The following GNAT3 variants were observed in gnomAD, a reference collection of about 807,000 sequenced individuals.
GNAT3 encodes guanine nucleotide-binding protein G(t) subunit alpha-3.
Under a neutral mutation model 37.7 loss-of-function variants are expected in GNAT3, and 31 were observed. The observed-to-expected ratio is 0.82, with a 90% confidence interval of 0.62 to 1.11. The LOEUF (loss-of-function observed/expected upper bound fraction) is 1.11. GNAT3 is among the 50% of genes most tolerant of loss of function. The probability of loss-of-function intolerance (pLI) is 0.00; values close to 1 mark genes in which losing one functional copy is unlikely to be tolerated. For missense variants in GNAT3, 437 were observed against 412.5 expected (o/e 1.06, Z -0.51); for synonymous variants, 138 against 139.8 (o/e 0.99, Z 0.09).
At chr7:80,508,805 T>A (rs574558125) in intron 1 of GNAT3, among the ~76,000 whole-genome samples, 3 of 152,208 alleles carry the variant, frequency 2.0e-5, no homozygotes, top group African/African-American at 7.2e-5. Context: ...ACCAAATGGT[T>A]ACATCCGCTT....
At chr7:80,459,208 T>C (rs914510830) in intron 7 of GNAT3, among the ~76,000 whole-genome samples, 1 of 151,922 alleles carries the variant, frequency 6.6e-6, no homozygotes, top group Non-Finnish European at 1.5e-5. Flanking sequence ...AGAAAAAGAA[T>C]GGAAAAGGTA....
chr7:80,491,520 A>G (rs1790590924), intron 2 of GNAT3, among the ~76,000 whole-genome samples: 1 of 152,168 alleles, frequency 6.6e-6, no homozygotes. Flanking sequence ...ATCTCCTGGT[A>G]CAGTAGAGAC....
intron 1 of GNAT3, among the ~76,000 whole-genome samples, chr7:80,498,123 CTT>C (rs1562733323): frequency 6.6e-6 from 1 of 152,030 alleles, no homozygotes; most frequent in Non-Finnish European, 1.5e-5. Context: ...AAAAAAGTGA[CTT>C]TTAGACTGTG....
At chr7:80,484,491 G>A (rs959789685) in intron 3 of GNAT3, among the ~76,000 whole-genome samples, 1 of 151,994 alleles carries the variant, frequency 6.6e-6, no homozygotes, top group Non-Finnish European at 1.5e-5. Context: ...AGTTTACTTT[G>A]TAGGGTTCTA....
chr7:80,500,385 G>A (rs1790811559), intron 1 of GNAT3, among the ~76,000 whole-genome samples: 1 of 151,778 alleles, frequency 6.6e-6, no homozygotes, highest in African/African-American at 2.4e-5. Flanking sequence ...TTGCTTATTT[G>A]CGGCAAGCAT....
At chr7:80,496,006 G>A (rs1475015409) in intron 1 of GNAT3, among the ~76,000 whole-genome samples, 1 of 152,062 alleles carries the variant, frequency 6.6e-6, no homozygotes, top group Non-Finnish European at 1.5e-5. Flanking sequence ...TTAGACGTCT[G>A]TTTACTCTGT....
chr7:80,488,750 G>T, intron 2 of GNAT3, 74 bp from the exon 3 acceptor site: 1 of 1,131,868 alleles, frequency 8.8e-7, no homozygotes, highest in Non-Finnish European at 1.3e-6. Context: ...CAACTAAGTT[G>T]CTTGAATAAA....
chr7:80,494,733 T>C, intron 1 of GNAT3, 86 bp from the exon 2 acceptor site: 2 of 775,858 alleles, frequency 2.6e-6, no homozygotes, highest in South Asian at 3.2e-5. Context: ...GGATAATCTT[T>C]AATTTTTTTT....
At chr7:80,472,269 T>C (rs968494537) in intron 5 of GNAT3, among the ~76,000 whole-genome samples, 4 of 152,082 alleles carry the variant, frequency 2.6e-5, no homozygotes, top group African/African-American at 7.2e-5. Context: ...TTGACTGAAA[T>C]TGACCATGGT....
chr7:80,485,506 A>T (rs1041419579), intron 3 of GNAT3, among the ~76,000 whole-genome samples: 1 of 152,112 alleles, frequency 6.6e-6, no homozygotes, highest in Non-Finnish European at 1.5e-5. Context: ...TGAGCTCCAC[A>T]TATAGCTGCA....
At chr7:80,488,317 A>G (rs1418339746) in intron 3 of GNAT3, among the ~76,000 whole-genome samples, 2 of 152,162 alleles carry the variant, frequency 1.3e-5, no homozygotes, top group Non-Finnish European at 2.9e-5. Context: ...ATCCTCAGGA[A>G]AACAACTAAT....
intron 1 of GNAT3, among the ~76,000 whole-genome samples, chr7:80,497,740 T>C (rs986741290): frequency 6.6e-6 from 1 of 151,662 alleles, no homozygotes. Context: ...GTCAATGGGC[T>C]CAGTAGGAAC....
intron 4 of GNAT3, among the ~76,000 whole-genome samples, chr7:80,478,529 G>A (rs1401022696): frequency 6.6e-6 from 1 of 152,132 alleles, no homozygotes; most frequent in African/African-American, 2.4e-5. Context: ...CATGTCACCA[G>A]TCTGTGTTAG....
chr7:80,508,087 A>C (rs10273230), intron 1 of GNAT3, among the ~76,000 whole-genome samples: 17,219 of 151,904 alleles, frequency 0.11, 1,087 homozygotes, highest in African/African-American at 0.16. Flanking sequence ...AAGAACATCT[A>C]TGATGAACTT....
At chr7:80,500,607 A>G (rs1044691467) in intron 1 of GNAT3, among the ~76,000 whole-genome samples, 9 of 152,034 alleles carry the variant, frequency 5.9e-5, no homozygotes, top group Non-Finnish European at 1.2e-4. Context: ...CTTGTTCACT[A>G]TCTCTAGTGA....
intron 4 of GNAT3, among the ~76,000 whole-genome samples, chr7:80,477,468 C>A (rs1790325921): frequency 6.6e-6 from 1 of 152,168 alleles, no homozygotes; most frequent in South Asian, 2.1e-4. Flanking sequence ...AAATGAGACT[C>A]ATTCTCTCCA....
In GNAT3 at chr7:80,458,690, T is replaced by G. The variant is rs1221723023; in HGVS notation, c.1046A>C (p.Lys349Thr). The G allele has an allele frequency of 6.4e-7, 1 of 1,569,554 alleles. No homozygotes were observed. Among genetic ancestry groups the G allele is most frequent in the East Asian group, 2.3e-5 (1 of 43,918 alleles). The part of the protein sequence containing the change: ...VTDIIIKENL[K>T]DCGLF ...AGTTGATTAGAAAAGCCCACAGTCT[T>G]TTAGATTCTCTTTGATTATTATATC... is the stretch of plus-strand genomic sequence containing the variant. Residue 349 changes from lysine to threonine, a missense_variant, in exon 8 of 8, where the codon AAA becomes ACA. Coordinates refer to ENST00000398291, the MANE Select transcript of GNAT3 (RefSeq NM_001102386.3).
intron 2 of GNAT3, among the ~76,000 whole-genome samples, chr7:80,492,673 A>G (rs1014935473): frequency 6.6e-6 from 1 of 151,420 alleles, no homozygotes; most frequent in Admixed American, 6.6e-5. Flanking sequence ...TGCATATTTT[A>G]TTACTTTTGA....
chr7:80,507,964 A>T (rs1790981442), intron 1 of GNAT3, among the ~76,000 whole-genome samples: 2 of 151,976 alleles, frequency 1.3e-5, no homozygotes, highest in Non-Finnish European at 2.9e-5. Flanking sequence ...GATAAGTGGA[A>T]TAATAGTTTA....
Sources: allele counts gnomAD v4.1 joint callset (sites outside exome capture counted in the v4.1 genomes callset), GRCh38; gene constraint gnomAD v4.1.1; transcripts MANE v1.5; gene names NCBI Gene and HGNC (gene_info 2026-07-23, HGNC 2026-07-21).